DHX36: variants seen among roughly 807,000 people sequenced by gnomAD.
DHX36 encodes the protein ATP-dependent DNA/RNA helicase DHX36.
A neutral mutation model predicts 139.0 loss-of-function variants in DHX36; 50 were observed. The observed-to-expected ratio is 0.36, with a 90% CI of 0.29 to 0.46. The LOEUF (loss-of-function observed/expected upper bound fraction) is 0.46. Among genes scored for constraint, DHX36 ranks in the 20% least tolerant of loss-of-function variants. The pLI is 1.00. For synonymous variants in DHX36, 425 were observed against 401.9 expected, an observed-to-expected ratio of 1.06 and a Z score of -0.69; for missense variants, 1,024 against 1,211.3, an observed-to-expected ratio of 0.85 and a Z score of 2.29.
chr3:154,301,119 G>A lies in DHX36; in HGVS notation c.1226C>T (p.Pro409Leu), dbSNP rs1712258428. 1.3e-6 allele frequency: 2 copies of A among 1,583,460 alleles called. No individual in the cohort carries two copies. The highest frequency in any genetic ancestry group is 1.2e-5 in the South Asian group (1 of 84,076). ...EDVIEKIRYVPEQKEHRSQFK... is the reference protein window; with the variant it reads ...EDVIEKIRYVLEQKEHRSQFK... Reference sequence around the variant, plus strand: ...CTGGGATCTGTGTTCTTTTTGTTCTGGAACATACCTAAAATAAAAACATTC... The same window carrying A: ...CTGGGATCTGTGTTCTTTTTGTTCTAGAACATACCTAAAATAAAAACATTC... The change falls in exon 10 of 25, where the codon CCA becomes CTA. Residue 409 changes from proline to leucine, a missense_variant. By Grantham distance (98) the Pro-to-Leu change is moderately conservative. This residue lies in a region of DHX36 where 115 missense variants were observed against 105.6 expected (regional missense o/e 1.09). Transcript: ENST00000496811.
At chr3:154,312,228 C>G (rs1712787996) in intron 3 of DHX36, 1 of 152,116 alleles carries the variant, frequency 6.6e-6, no homozygotes, top group South Asian at 2.1e-4. Flanking sequence ...GATTTTATCT[C>G]ATACGGTTGC....
Position 154,272,593 on chromosome 3 carries a change from T to A in DHX36, c.*3578A>T, listed in dbSNP as rs548722975. On this transcript the variant is annotated 3_prime_UTR_variant, in exon 25 of 25. Coordinates refer to ENST00000496811, the MANE Select transcript of DHX36 (RefSeq NM_020865.3). ...ATATAATATCTTAAAATTTATTATATATAAAATAATACCTAAAGTTTATAT... is the reference window on the plus strand; with the variant it reads ...ATATAATATCTTAAAATTTATTATAAATAAAATAATACCTAAAGTTTATAT... 4 of 151,078 alleles carry A rather than the reference T, an allele frequency of 2.6e-5. No homozygotes were observed. The allele number at this position is 151,078 out of a possible 1,614,324, so 9.4% of individuals were successfully genotyped here.
At chr3:154,279,848 G>A (rs1719275633) in intron 22 of DHX36, 1 of 152,152 alleles carries the variant, frequency 6.6e-6, no homozygotes, top group Non-Finnish European at 1.5e-5. Context: ...CACCTATGGA[G>A]ATGCATTACA....
chr3:154,282,716 G>C (rs1719370179), intron 20 of DHX36, among the ~76,000 whole-genome samples: 1 of 152,062 alleles, frequency 6.6e-6, no homozygotes, highest in Non-Finnish European at 1.5e-5. Context: ...GAGAAGATGA[G>C]GATATTTCTA....
intron 22 of DHX36, 140 bp downstream of exon 22, chr3:154,280,439 C>T (rs1719295843): frequency 1.6e-6 from 1 of 642,710 alleles, no homozygotes; most frequent in South Asian, 2.1e-5. Context: ...AGTTCACCTT[C>T]TCTGAAATGA....
At chr3:154,300,870 T>C (rs1216205552) in intron 10 of DHX36, 117 bp downstream of exon 10, 2 of 1,433,146 alleles carry the variant, frequency 1.4e-6, no homozygotes, top group African/African-American at 2.9e-5. Flanking sequence ...TTAGCTCGAA[T>C]AAGAGACTCA....
chr3:154,295,436 ATTC>A (rs1232559992), intron 12 of DHX36, 97 bp from the exon 13 acceptor site: 3 of 528,986 alleles, frequency 5.7e-6, no homozygotes, highest in East Asian at 3.5e-5. Flanking sequence ...GAACCACTCA[ATTC>A]TTTTTTTGAT....
chr3:154,310,833 A>G (rs1309810002), intron 4 of DHX36, among the ~76,000 whole-genome samples: 3 of 81,378 alleles, frequency 3.7e-5, no homozygotes, highest in Admixed American at 1.8e-4. Flanking sequence ...ATATATATAT[A>G]TATATATATA....
chr3:154,278,720 T>C (rs748333292), intron 22 of DHX36: 5 of 152,200 alleles, frequency 3.3e-5, no homozygotes, highest in Non-Finnish European at 5.9e-5. Context: ...CCTCAGGTGG[T>C]CCGCCTACCT....
At chr3:154,318,334 T>C (rs1051921570) in intron 1 of DHX36, among the ~76,000 whole-genome samples, 8 of 152,118 alleles carry the variant, frequency 5.3e-5, no homozygotes, top group Non-Finnish European at 1.2e-4. Flanking sequence ...TTTTGATGTA[T>C]CTGTTTAGTT....
intron 17 of DHX36, among the ~76,000 whole-genome samples, chr3:154,287,565 G>A (rs1038637160): frequency 2.6e-5 from 4 of 151,970 alleles, no homozygotes; most frequent in Admixed American, 6.6e-5. Context: ...CAGGAGAATC[G>A]CTTGAATCTG....
At chr3:154,317,689 G>GA (rs1228413836) in intron 1 of DHX36, among the ~76,000 whole-genome samples, 5 of 152,066 alleles carry the variant, frequency 3.3e-5, no homozygotes, top group Non-Finnish European at 7.4e-5. Context: ...AGTTGGGAAT[G>GA]ATCTTCAAGG....
intron 12 of DHX36, among the ~76,000 whole-genome samples, chr3:154,296,231 T>C (rs1396165495): frequency 2.0e-5 from 3 of 152,240 alleles, no homozygotes; most frequent in Admixed American, 6.5e-5. Context: ...TCCCAGCACT[T>C]TGGGAGGCCG....
chr3:154,291,915 CAG>C (rs1711832250), intron 15 of DHX36, among the ~76,000 whole-genome samples: 1 of 152,192 alleles, frequency 6.6e-6, no homozygotes, highest in Non-Finnish European at 1.5e-5. Flanking sequence ...ATCATTAAGA[CAG>C]AGATAGTTTT....
chr3:154,324,079 A>C (rs1713303957), intron 1 of DHX36, 95 bp downstream of exon 1: 1 of 1,341,882 alleles, frequency 7.5e-7, no homozygotes, highest in African/African-American at 1.5e-5. Flanking sequence ...AAACACGTGC[A>C]TCACTTAAGA....
At chr3:154,287,442 G>A (rs1199171585) in intron 17 of DHX36, among the ~76,000 whole-genome samples, 1 of 152,098 alleles carries the variant, frequency 6.6e-6, no homozygotes, top group African/African-American at 2.4e-5. Flanking sequence ...ATCACTTGAG[G>A]TCAGGAGTTC....
chr3:154,312,517 A>C (rs1264496514), intron 3 of DHX36, among the ~76,000 whole-genome samples: 3 of 152,032 alleles, frequency 2.0e-5, no homozygotes, highest in Non-Finnish European at 2.9e-5. Context: ...GCATAAAAAT[A>C]AAGTCAGCTT....
chr3:154,311,876 T>C, intron 3 of DHX36: 1 of 442,776 alleles, frequency 2.3e-6, no homozygotes, highest in African/African-American at 2.0e-5. Flanking sequence ...CTCCATTACA[T>C]CCAGCAAAAT....
chr3:154,314,800 A>G, intron 3 of DHX36: 1 of 340,182 alleles, frequency 2.9e-6, no homozygotes, highest in Non-Finnish European at 5.3e-6. Context: ...TTTCATTGGC[A>G]CTAGCATTTC....
Sources: allele counts gnomAD v4.1 joint callset (sites outside exome capture counted in the v4.1 genomes callset), GRCh38; gene constraint gnomAD v4.1.1; regional missense constraint gnomAD v4.1.1; transcripts MANE v1.5; gene names NCBI Gene and HGNC (gene_info 2026-07-23, HGNC 2026-07-21).